The following DLG2 variants were observed in gnomAD, a reference collection of about 807,000 sequenced individuals.
DLG2 encodes the protein disks large homolog 2.
In DLG2, 45 loss-of-function variants were observed where a neutral mutation model predicts 132.5. The observed-to-expected ratio is 0.34, with a 90% CI of 0.27 to 0.44. DLG2 has a LOEUF of 0.44. Among genes scored for constraint, DLG2 ranks in the 20% least tolerant of loss-of-function variants. The pLI is 1.00. For missense variants in DLG2, 1,045 were observed against 1,196.9 expected, an observed-to-expected ratio of 0.87 and a Z score of 1.87; for synonymous variants, 424 against 419.6, an observed-to-expected ratio of 1.01 and a Z score of -0.13.
rs193153964 is a variant in DLG2 at position 84,266,569 on chromosome 11, C to T, written c.520-15278G>A. On this transcript the variant is annotated intron_variant, in intron 7 of 27. Coordinates refer to ENST00000376104, the MANE Select transcript of DLG2 (RefSeq NM_001142699.3). The stretch of plus-strand genomic sequence containing the variant: ...AGAGGAAGGAAACAGGGAAATGAAT[C>T]CAACATGATTGAGGATGATGAGTTA... 2.0e-3 allele frequency among the ~76,000 whole-genome samples: 311 copies of T among 152,272 alleles called. 2 individuals are homozygous for T. Among genetic ancestry groups the T allele is most frequent in the African/African-American group, 7.2e-3 (300 of 41,554 alleles).
intron 7 of DLG2, among the ~76,000 whole-genome samples, chr11:84,295,668 T>C (rs2098080482): frequency 6.6e-6 from 1 of 152,172 alleles, no homozygotes; most frequent in African/African-American, 2.4e-5. Context: ...GGGTCCAGAG[T>C]AGTACAGATA....
At chr11:85,340,881 A>G (rs2152858484) in intron 3 of DLG2, among the ~76,000 whole-genome samples, 1 of 152,260 alleles carries the variant, frequency 6.6e-6, no homozygotes, top group Admixed American at 6.5e-5. Context: ...TGTTGTACTT[A>G]TAGGATTTCA....
intron 11 of DLG2, among the ~76,000 whole-genome samples, chr11:84,047,157 A>T (rs2096258087): frequency 6.6e-6 from 1 of 151,606 alleles, no homozygotes; most frequent in Non-Finnish European, 1.5e-5. Context: ...GTCTTCTAAG[A>T]AGATACTTGG....
intron 3 of DLG2, among the ~76,000 whole-genome samples, chr11:85,479,482 T>G (rs548535872): frequency 7.2e-5 from 11 of 152,330 alleles, no homozygotes; most frequent in African/African-American, 2.6e-4. Context: ...TGGGAAGACA[T>G]AAACATTAAG....
chr11:85,124,240 T>C (rs1417226003), intron 5 of DLG2, among the ~76,000 whole-genome samples: 2 of 152,260 alleles, frequency 1.3e-5, no homozygotes, highest in African/African-American at 2.4e-5. Flanking sequence ...TTAGATCTTC[T>C]TTTAACTTAA....
At chr11:84,485,896 T>G (rs1450253649) in intron 7 of DLG2, among the ~76,000 whole-genome samples, 2 of 152,252 alleles carry the variant, frequency 1.3e-5, no homozygotes, top group Non-Finnish European at 2.9e-5. Context: ...GTTAGGGCAC[T>G]CTGATCTATA....
intron 16 of DLG2, among the ~76,000 whole-genome samples, chr11:83,836,161 G>A (rs1383724744): frequency 6.6e-6 from 1 of 152,082 alleles, no homozygotes; most frequent in Admixed American, 6.6e-5. Context: ...CCCTCTCAAT[G>A]CTTTTTTATT....
intron 18 of DLG2, among the ~76,000 whole-genome samples, chr11:83,776,082 A>C (rs2094571967): frequency 6.6e-6 from 1 of 151,954 alleles, no homozygotes; most frequent in South Asian, 2.1e-4. Flanking sequence ...ACAGAGCGAG[A>C]CTCTGTCTCA....
chr11:83,585,709 A>C (rs1346304590), intron 19 of DLG2, among the ~76,000 whole-genome samples: 1 of 152,228 alleles, frequency 6.6e-6, no homozygotes, highest in Non-Finnish European at 1.5e-5. Context: ...AAATGGTGAC[A>C]TTCTACCTTC....
At chr11:83,850,473 T>C (rs568568206) in intron 16 of DLG2, among the ~76,000 whole-genome samples, 12 of 151,998 alleles carry the variant, frequency 7.9e-5, no homozygotes, top group Admixed American at 5.2e-4. Context: ...TTCTAATAGA[T>C]AGGAGAGCAC....
chr11:85,501,066 C>CAT (rs1158530870), intron 3 of DLG2, among the ~76,000 whole-genome samples: 2 of 152,104 alleles, frequency 1.3e-5, no homozygotes, highest in Non-Finnish European at 2.9e-5. Context: ...GGTACCAAAA[C>CAT]ATATATATAA....
intron 7 of DLG2, among the ~76,000 whole-genome samples, chr11:84,288,326 T>C (rs1356233615): frequency 2.0e-5 from 3 of 151,970 alleles, no homozygotes; most frequent in Non-Finnish European, 2.9e-5. Flanking sequence ...ATGTTAGCTA[T>C]TGTCAACAGT....
chr11:83,654,049 T>A (rs1276004763), intron 18 of DLG2, among the ~76,000 whole-genome samples: 1 of 152,162 alleles, frequency 6.6e-6, no homozygotes, highest in African/African-American at 2.4e-5. Flanking sequence ...TAGTGAATAT[T>A]AAATTTTGAA....
At chr11:84,157,479 G>A (rs2095453388) in intron 9 of DLG2, among the ~76,000 whole-genome samples, 1 of 152,094 alleles carries the variant, frequency 6.6e-6, no homozygotes, top group African/African-American at 2.4e-5. Flanking sequence ...TGCCCAGACT[G>A]GAATGCAGTG....
chr11:83,606,056 G>A (rs1029855833), intron 19 of DLG2, among the ~76,000 whole-genome samples: 4 of 152,120 alleles, frequency 2.6e-5, no homozygotes, highest in South Asian at 2.1e-4. Flanking sequence ...CAGAGTCATC[G>A]GTGATTCTTT....
Position 83,746,921 on chromosome 11 carries a change from GC to G in DLG2, c.1825+39768del, listed in dbSNP as rs1162696241. ...TAAACACATTTTAGATCATCTGGGT[GC>G]CTGCCCTAAAACCAAGCAGTACCAT... On this transcript the variant is annotated intron_variant, in intron 18 of 27. Transcript: ENST00000376104. Among the ~76,000 whole-genome samples, 29 of 152,138 alleles carry G rather than the reference GC, an allele frequency of 1.9e-4. 1 individual carries two copies. The highest frequency in any genetic ancestry group is 5.6e-4 in the African/African-American group (23 of 41,434).
intron 9 of DLG2, among the ~76,000 whole-genome samples, chr11:84,152,371 T>C (rs1403031632): frequency 6.6e-6 from 1 of 151,840 alleles, no homozygotes; most frequent in African/African-American, 2.4e-5. Context: ...AATACTGTCC[T>C]CTGCTCTTTT....
intron 4 of DLG2, among the ~76,000 whole-genome samples, chr11:85,161,368 C>T (rs533326234): frequency 1.3e-5 from 2 of 152,292 alleles, no homozygotes; most frequent in African/African-American, 4.8e-5. Context: ...CTGGTTATGG[C>T]CACTGCTGAG....
intron 18 of DLG2, among the ~76,000 whole-genome samples, chr11:83,717,367 G>C (rs376626675): frequency 3.0e-4 from 46 of 152,238 alleles, no homozygotes; most frequent in African/African-American, 1.1e-3. Context: ...AATAAATAAA[G>C]ACTCCTAGAT....
Sources: gnomAD v4.1 joint callset for allele counts (sites outside exome capture counted in the v4.1 genomes callset) on GRCh38, gnomAD v4.1.1 for gene constraint, MANE v1.5 for transcripts, NCBI Gene and HGNC (gene_info 2026-07-23, HGNC 2026-07-21) for gene names.